GLRA3: variants seen among roughly 807,000 people sequenced by gnomAD.
The protein encoded by GLRA3 is glycine receptor alpha 3, also known as glycine receptor subunit alpha-3.
GLRA3 carries 44 observed loss-of-function variants against 60.4 expected under a neutral mutation model. The observed-to-expected ratio is 0.73, with a 90% CI of 0.57 to 0.94. The LOEUF (loss-of-function observed/expected upper bound fraction) is 0.94. Ranked by LOEUF, GLRA3 falls within the 40% of genes least tolerant of loss-of-function variation. The pLI is 0.00. For missense variants in GLRA3, 508 were observed against 564.6 expected (o/e 0.90, Z 1.02); for synonymous variants, 223 against 192.9 (o/e 1.16, Z -1.29).
chr4:174,794,091 C>T (rs186501272), intron 1 of GLRA3, among the ~76,000 whole-genome samples: 1 of 152,026 alleles, frequency 6.6e-6, no homozygotes, highest in Admixed American at 6.6e-5. Flanking sequence ...TAACTCATTT[C>T]TAAAATATTT....
intron 9 of GLRA3, among the ~76,000 whole-genome samples, chr4:174,651,239 G>A (rs570438205): frequency 6.6e-6 from 1 of 152,254 alleles, no homozygotes; most frequent in African/African-American, 2.4e-5. Context: ...TGCCCAGAGA[G>A]CAAAGGCTTA....
intron 3 of GLRA3, among the ~76,000 whole-genome samples, chr4:174,741,506 A>G (rs954835577): frequency 1.3e-5 from 2 of 152,112 alleles, no homozygotes; most frequent in African/African-American, 4.8e-5. Context: ...TGAGATTGGC[A>G]AACTTGTTTT....
intron 4 of GLRA3, among the ~76,000 whole-genome samples, chr4:174,720,754 T>C (rs930394061): frequency 4.6e-5 from 7 of 152,080 alleles, no homozygotes; most frequent in Non-Finnish European, 1.0e-4. Flanking sequence ...CCAAAGTCAG[T>C]GGTAGAGAGT....
intron 8 of GLRA3, among the ~76,000 whole-genome samples, chr4:174,657,622 T>C (rs1449104872): frequency 6.6e-6 from 1 of 151,360 alleles, no homozygotes; most frequent in Admixed American, 6.6e-5. Flanking sequence ...CCAGTTATCA[T>C]GAAAGAAAAG....
intron 6 of GLRA3, among the ~76,000 whole-genome samples, 195 bp from the exon 7 acceptor site, chr4:174,677,487 G>C (rs1394084875): frequency 6.6e-6 from 1 of 151,486 alleles, no homozygotes; most frequent in Non-Finnish European, 1.5e-5. Flanking sequence ...AGCCTCCCAA[G>C]TAGCTGGGAT....
At chr4:174,803,446 T>A (rs1304528490) in intron 1 of GLRA3, among the ~76,000 whole-genome samples, 2 of 152,148 alleles carry the variant, frequency 1.3e-5, no homozygotes, top group Non-Finnish European at 2.9e-5. Context: ...ATGCTCAAGA[T>A]AATAAAATGT....
At chr4:174,715,409 A>T (rs1170089664) in intron 5 of GLRA3, 79 bp downstream of exon 5, 3 of 716,680 alleles carry the variant, frequency 4.2e-6, no homozygotes, top group Non-Finnish European at 7.5e-6. Flanking sequence ...TTACAAAATA[A>T]ATTATCCATA....
intron 5 of GLRA3, among the ~76,000 whole-genome samples, chr4:174,696,332 G>T (rs932778246): frequency 5.3e-5 from 8 of 151,238 alleles, no homozygotes; most frequent in Non-Finnish European, 1.0e-4. Context: ...TGTAATATTG[G>T]CATGTATAAA....
intron 7 of GLRA3, among the ~76,000 whole-genome samples, chr4:174,661,129 G>A (rs774490790): frequency 2.0e-5 from 3 of 151,954 alleles, no homozygotes; most frequent in Admixed American, 2.0e-4. Context: ...AAGTGGTATC[G>A]TTTCTAGGCT....
intron 4 of GLRA3, among the ~76,000 whole-genome samples, chr4:174,721,276 C>T (rs1736120295): frequency 6.6e-6 from 1 of 152,138 alleles, no homozygotes; most frequent in Admixed American, 6.5e-5. Flanking sequence ...ATCTTCCCAC[C>T]TCAGCTTCCC....
chr4:174,805,809 T>C (rs1363817283), intron 1 of GLRA3, among the ~76,000 whole-genome samples: 4 of 152,208 alleles, frequency 2.6e-5, no homozygotes, highest in South Asian at 4.1e-4. Flanking sequence ...ATGGATATTA[T>C]AGAAGTTGGG....
chr4:174,789,007 A>G lies in GLRA3; in HGVS notation c.72-64T>C, dbSNP rs1739227917. The G allele has an allele frequency of 3.8e-6, 4 of 1,043,006 alleles. No homozygotes were observed. In the African/African-American group the frequency reaches 4.9e-5, roughly 13 times the overall value. The allele number at this position is 1,043,006 out of a possible 1,614,324, so 64.6% of individuals were successfully genotyped here. On this transcript the variant is annotated intron_variant, in intron 1 of 9. Transcript: ENST00000274093. ...AGTATTTCTAATAATTGTTACCTAC[A>G]AATATAAAATAGAAATGCTGAGCTA...
intron 9 of GLRA3, among the ~76,000 whole-genome samples, chr4:174,653,440 T>A (rs1343331527): frequency 6.6e-6 from 1 of 151,954 alleles, no homozygotes; most frequent in Non-Finnish European, 1.5e-5. Flanking sequence ...CAATCGTTAA[T>A]ATAAAATTAT....
intron 7 of GLRA3, among the ~76,000 whole-genome samples, chr4:174,660,428 A>G (rs149074118): frequency 3.1e-4 from 47 of 152,138 alleles, no homozygotes; most frequent in Non-Finnish European, 6.2e-4. Context: ...ATATTTCCTC[A>G]TTTACATTCA....
At chr4:174,779,742 G>A (rs1738787069) in intron 2 of GLRA3, among the ~76,000 whole-genome samples, 1 of 152,036 alleles carries the variant, frequency 6.6e-6, no homozygotes, top group Non-Finnish European at 1.5e-5. Flanking sequence ...ATGAAATGAA[G>A]CAAGAAGGGA....
chr4:174,815,853 C>T (rs1402439606), intron 1 of GLRA3, among the ~76,000 whole-genome samples: 2 of 152,164 alleles, frequency 1.3e-5, no homozygotes, highest in Admixed American at 1.3e-4. Context: ...AGACATTTTC[C>T]CCATTATCTT....
intron 5 of GLRA3, among the ~76,000 whole-genome samples, chr4:174,698,182 T>A (rs891688438): frequency 7.2e-5 from 11 of 152,006 alleles, no homozygotes; most frequent in African/African-American, 2.7e-4. Flanking sequence ...TGGGTTTTTT[T>A]ATTTTTGATA....
intron 9 of GLRA3, among the ~76,000 whole-genome samples, chr4:174,645,326 C>T (rs1031225906): frequency 3.3e-5 from 5 of 150,932 alleles, no homozygotes; most frequent in Admixed American, 6.6e-5. Context: ...GCAGGAGAAT[C>T]GCTTGATCCC....
chr4:174,653,434 C>T (rs984569521), intron 9 of GLRA3, among the ~76,000 whole-genome samples: 2 of 151,712 alleles, frequency 1.3e-5, no homozygotes, highest in African/African-American at 4.8e-5. Context: ...GTAAGTCAAT[C>T]GTTAATATAA....
Sources: gnomAD v4.1 joint callset for allele counts (sites outside exome capture counted in the v4.1 genomes callset) on GRCh38, gnomAD v4.1.1 for gene constraint, MANE v1.5 for transcripts, NCBI Gene and HGNC (gene_info 2026-07-23, HGNC 2026-07-21) for gene names.